KCNK13: variants seen among roughly 807,000 people sequenced by gnomAD.
The protein encoded by KCNK13 is potassium channel subfamily K member 13.
Under a neutral mutation model 23.4 loss-of-function variants are expected in KCNK13, and 12 were observed. That is an observed-to-expected ratio of 0.51 (90% confidence interval 0.33 to 0.83). KCNK13 has a LOEUF of 0.83. KCNK13 is among the 40% of genes least tolerant of loss of function. The pLI is 0.02. For missense variants in KCNK13, 463 were observed against 556.3 expected (o/e 0.83, Z 1.69); for synonymous variants, 231 against 229.5 (o/e 1.01, Z -0.06).
At chr14:90,133,351 G>A (rs1006177672) in intron 1 of KCNK13, among the ~76,000 whole-genome samples, 1 of 152,114 alleles carries the variant, frequency 6.6e-6, no homozygotes, top group Non-Finnish European at 1.5e-5. Context: ...GAGACAGAAG[G>A]TAGATTAGTG....
rs188355569 is a variant in KCNK13 at position 90,145,122 on chromosome 14, G to A, written c.335-38989G>A. On this transcript the variant is annotated intron_variant, in intron 1 of 1. Transcript: ENST00000282146. ...TTGATTTTCAAATATTAAACAAATAGAAAGGTGGGGCACAGTGGCTCATGC... is the reference window on the plus strand; with the variant it reads ...TTGATTTTCAAATATTAAACAAATAAAAAGGTGGGGCACAGTGGCTCATGC... 8.9e-4 allele frequency among the ~76,000 whole-genome samples: 135 copies of A among 152,172 alleles called. 1 individual carries two copies. The highest frequency in any genetic ancestry group is 3.4e-3 in the Middle Eastern group (1 of 294).
intron 1 of KCNK13, among the ~76,000 whole-genome samples, chr14:90,063,206 G>T (rs1443983997): frequency 6.6e-6 from 1 of 152,174 alleles, no homozygotes; most frequent in Non-Finnish European, 1.5e-5. Flanking sequence ...GCACTCAGGG[G>T]CCCCATGAGC....
At chr14:90,160,697 G>A (rs533086846) in intron 1 of KCNK13, among the ~76,000 whole-genome samples, 3 of 152,120 alleles carry the variant, frequency 2.0e-5, no homozygotes, top group Admixed American at 2.0e-4. Context: ...ACAAAAATTA[G>A]CCGGGCATGG....
intron 1 of KCNK13, among the ~76,000 whole-genome samples, chr14:90,178,524 A>T (rs1890449995): frequency 6.6e-6 from 1 of 151,904 alleles, no homozygotes; most frequent in Non-Finnish European, 1.5e-5. Flanking sequence ...TCCCGACCTC[A>T]GGTGATCCGC....
chr14:90,074,054 C>T (rs537522616), intron 1 of KCNK13, among the ~76,000 whole-genome samples: 72 of 152,252 alleles, frequency 4.7e-4, no homozygotes, highest in Non-Finnish European at 8.1e-4. Flanking sequence ...CTGCAACCTC[C>T]GCCTGCCCAG....
chr14:90,116,701 T>A (rs958941792), intron 1 of KCNK13, among the ~76,000 whole-genome samples: 1 of 152,328 alleles, frequency 6.6e-6, no homozygotes, highest in East Asian at 1.9e-4. Flanking sequence ...CAGGGGGTCA[T>A]GCACAGCAGG....
intron 1 of KCNK13, among the ~76,000 whole-genome samples, chr14:90,068,021 CTG>C (rs1052530416): frequency 1.8e-4 from 28 of 152,294 alleles, no homozygotes; most frequent in African/African-American, 6.3e-4. Context: ...GCGGTTGTCT[CTG>C]TGTTGCCCCA....
At position 90,184,298 on chromosome 14, in the gene KCNK13, G is replaced by C; in HGVS notation, c.522G>C (p.Glu174Asp). ...GGAGACGAGGGGCCCTGCCCCAGGA[G>C]AGCCTGAAGGATGCGGGGCAGTGTG... ...QLRRRGALPQ[E>D]SLKDAGQCEV... The change falls in exon 2 of 2, where the codon GAG becomes GAC. Residue 174 changes from glutamate to aspartate, a missense_variant. By Grantham distance (45) the Glu-to-Asp change is conservative (BLOSUM62 2). Around this residue, in one of 3 missense-constraint regions of KCNK13, gnomAD observed 144 missense variants for 224.0 expected, o/e 0.64. Transcript: ENST00000282146. The surrounding 1 kb of genome is among the most constrained non-coding windows in gnomAD (Gnocchi z 5.6). The C allele has an allele frequency of 6.2e-7, 1 of 1,614,250 alleles. No homozygotes were observed.
intron 1 of KCNK13, among the ~76,000 whole-genome samples, chr14:90,092,666 A>C (rs1053251364): frequency 3.9e-5 from 6 of 152,118 alleles, no homozygotes; most frequent in African/African-American, 1.4e-4. Flanking sequence ...TTGGTGGCTC[A>C]TGCCTATAAT....
Position 90,184,813 on chromosome 14 carries a change from T to A in KCNK13, c.1037T>A (p.Met346Lys). ...GACGGGCGCCGGCTCTCAGGGGAGA[T>A]GATCTCCATGAAGGACTTGCTGGCA... ...DTDGRRLSGEMISMKDLLAAN... is the reference protein window; with the variant it reads ...DTDGRRLSGEKISMKDLLAAN... Residue 346 changes from methionine to lysine, a missense_variant, in exon 2 of 2, where the codon ATG becomes AAG. Met to Lys is a moderately conservative substitution (Grantham distance 95). This residue lies in a region of KCNK13 where 166 missense variants were observed against 178.8 expected (regional missense o/e 0.93). Transcript: ENST00000282146. This position sits in a 1 kb window ranked among gnomAD's most constrained non-coding sequence, Gnocchi z 5.6. 6.2e-7 allele frequency: 1 copy of A among 1,612,928 alleles called. No individual in the cohort carries two copies. Among genetic ancestry groups the A allele is most frequent in the South Asian group, 1.1e-5 (1 of 91,072 alleles).
intron 1 of KCNK13, among the ~76,000 whole-genome samples, chr14:90,134,976 A>G (rs1051794646): frequency 5.9e-5 from 9 of 152,244 alleles, no homozygotes; most frequent in African/African-American, 1.7e-4. Flanking sequence ...CATCGTAGAC[A>G]TGACTGATTT....
intron 1 of KCNK13, among the ~76,000 whole-genome samples, chr14:90,180,344 A>G (rs928903939): frequency 2.6e-5 from 4 of 152,126 alleles, no homozygotes; most frequent in African/African-American, 7.2e-5. Flanking sequence ...ATTATTCACC[A>G]TCTGAGCCAT....
At chr14:90,156,392 A>G (rs1230878101) in intron 1 of KCNK13, among the ~76,000 whole-genome samples, 1 of 152,142 alleles carries the variant, frequency 6.6e-6, no homozygotes, top group Non-Finnish European at 1.5e-5. Context: ...GAACGAGAAG[A>G]CAGTGACTTA....
intron 1 of KCNK13, among the ~76,000 whole-genome samples, chr14:90,130,030 G>T (rs1255899945): frequency 6.6e-6 from 1 of 152,048 alleles, no homozygotes; most frequent in Non-Finnish European, 1.5e-5. Flanking sequence ...TGTTTTGTCT[G>T]TTCTTTCAAT....
chr14:90,112,512 G>A (rs912270812), intron 1 of KCNK13, among the ~76,000 whole-genome samples: 1 of 152,072 alleles, frequency 6.6e-6, no homozygotes, highest in African/African-American at 2.4e-5. Flanking sequence ...AATATTATTG[G>A]TAGAAAAAAC....
chr14:90,145,623 A>G (rs1274383022), intron 1 of KCNK13, among the ~76,000 whole-genome samples: 4 of 151,684 alleles, frequency 2.6e-5, no homozygotes, highest in East Asian at 1.9e-4. Flanking sequence ...CTCCTCTTCT[A>G]TTTTCTTTAA....
intron 1 of KCNK13, among the ~76,000 whole-genome samples, chr14:90,161,984 G>C (rs1367476348): frequency 6.6e-6 from 1 of 152,136 alleles, no homozygotes; most frequent in Non-Finnish European, 1.5e-5. Context: ...TTTGAGACCA[G>C]CCTGGGCAAT....
At chr14:90,074,781 A>G (rs1278316215) in intron 1 of KCNK13, among the ~76,000 whole-genome samples, 3 of 152,170 alleles carry the variant, frequency 2.0e-5, no homozygotes, top group African/African-American at 7.2e-5. Flanking sequence ...ATGGCATTTC[A>G]TTGTATGTTT....
chr14:90,174,252 G>A (rs544413075), intron 1 of KCNK13, among the ~76,000 whole-genome samples: 1 of 152,302 alleles, frequency 6.6e-6, no homozygotes, highest in East Asian at 1.9e-4. Context: ...GGAGCTTGCA[G>A]TGAGCCGAGA....
Sources: gnomAD v4.1 joint callset for allele counts (sites outside exome capture counted in the v4.1 genomes callset) on GRCh38, gnomAD v4.1.1 for gene constraint, gnomAD v4.1.1 regional missense constraint, Gnocchi (gnomAD v3.1) non-coding constraint, MANE v1.5 for transcripts, NCBI Gene and HGNC (gene_info 2026-07-23, HGNC 2026-07-21) for gene names.